The following MYH10 variants were observed in gnomAD, a reference collection of about 807,000 sequenced individuals.
MYH10 encodes myosin heavy chain 10, also known as myosin-10.
A neutral mutation model predicts 257.8 loss-of-function variants in MYH10; 55 were observed. That is an observed-to-expected ratio of 0.21 (90% CI 0.17 to 0.27). The LOEUF (loss-of-function observed/expected upper bound fraction) is 0.27, where lower values mean the gene tolerates loss of function less well. Ranked by LOEUF, MYH10 falls within the 10% of genes least tolerant of loss-of-function variation. The pLI is 1.00. For missense variants in MYH10, 1,631 were observed against 2,500.6 expected, an observed-to-expected ratio of 0.65 and a Z score of 7.42; for synonymous variants, 854 against 921.7, an observed-to-expected ratio of 0.93 and a Z score of 1.33.
intron 29 of MYH10, among the ~76,000 whole-genome samples, chr17:8,500,203 A>G (rs1365570773): frequency 6.6e-6 from 1 of 152,218 alleles, no homozygotes; most frequent in African/African-American, 2.4e-5. Flanking sequence ...GAACAGAAAG[A>G]TGGAGAAACT....
chr17:8,543,454 AT>A (rs2082353644), intron 13 of MYH10, among the ~76,000 whole-genome samples: 1 of 142,602 alleles, frequency 7.0e-6, no homozygotes, highest in African/African-American at 2.6e-5. Context: ...CTATTGCTCT[AT>A]TTAGCCTGGG....
In MYH10 at chr17:8,545,232, C is replaced by CA; in HGVS notation, c.1431+215dup. Among the ~76,000 whole-genome samples the CA allele has an allele frequency of 1.3e-5, 2 of 152,326 alleles. No homozygotes were observed. The highest frequency in any genetic ancestry group is 2.9e-5 in the Non-Finnish European group (2 of 68,036). On this transcript the variant is annotated intron_variant, in intron 13 of 42. Transcript: ENST00000360416. This position sits in a 1 kb window ranked among gnomAD's most constrained non-coding sequence, Gnocchi z 4.7. ...AGCAACCTTCCCTGAACAGCTATCTCAAGCTGGCCTCCCAGTTCTATCACA... is the reference window on the plus strand; with the variant it reads ...AGCAACCTTCCCTGAACAGCTATCTCAAAGCTGGCCTCCCAGTTCTATCACA...
chr17:8,628,497 T>G (rs902786473), intron 1 of MYH10, among the ~76,000 whole-genome samples: 4 of 152,146 alleles, frequency 2.6e-5, no homozygotes, highest in African/African-American at 9.7e-5. Context: ...ATGGATAAAT[T>G]ATCCATGACA....
intron 13 of MYH10, 82 bp from the exon 14 acceptor site, chr17:8,542,362 A>T (rs1206661109): frequency 3.9e-6 from 5 of 1,289,518 alleles, no homozygotes; most frequent in South Asian, 2.8e-5. Context: ...TTATAAAAAA[A>T]TTTTTCATTA....
chr17:8,491,920 CCCT>C (rs1490557917), intron 34 of MYH10, among the ~76,000 whole-genome samples: 5 of 152,144 alleles, frequency 3.3e-5, no homozygotes, highest in Admixed American at 6.5e-5. Context: ...AGCTGCCATT[CCCT>C]CCTCCTCCTC....
At chr17:8,541,231 G>A (rs2082280606) in intron 14 of MYH10, among the ~76,000 whole-genome samples, 1 of 152,172 alleles carries the variant, frequency 6.6e-6, no homozygotes, top group Non-Finnish European at 1.5e-5. Context: ...GTGGCAACCA[G>A]AGATTGAGCA....
intron 3 of MYH10, among the ~76,000 whole-genome samples, chr17:8,594,895 G>A (rs2084302903): frequency 6.6e-6 from 1 of 152,224 alleles, no homozygotes; most frequent in African/African-American, 2.4e-5. Context: ...TACATCTTCA[G>A]TACAGGCGCA....
rs184636557 is a variant in MYH10 at position 8,610,011 on chromosome 17, T to C, written c.346-5029A>G. Among the ~76,000 whole-genome samples, 13 of 151,984 alleles carry C rather than the reference T, an allele frequency of 8.6e-5. No individual in the cohort carries two copies. The East Asian group carries it at 2.5e-3, about 29-fold the overall frequency. ...AGGAATAATGGCACTGGACTCACCA[T>C]TTTGCAGCTCCCAGTGCCACAGTGG... On this transcript the variant is annotated intron_variant, in intron 2 of 42. Transcript: ENST00000360416.
In MYH10 at chr17:8,561,447, C is replaced by T. The variant is rs527368409; in HGVS notation, c.757-7429G>A. On this transcript the variant is annotated intron_variant, in intron 7 of 42. Coordinates refer to ENST00000360416, the MANE Select transcript of MYH10 (RefSeq NM_001256012.3). ...CCAAGCTGTGTGTGAAGCTACATTA[C>T]CGTGTGAGTTGTGCAATTCACAGCA... 4.6e-4 allele frequency: 535 copies of T among 1,156,324 alleles called. 1 individual carries two copies. In the African/African-American group the frequency reaches 6.9e-3, roughly 15 times the overall value. 71.6% of individuals were successfully genotyped at this position (1,156,324 alleles called of 1,614,324 possible).
intron 3 of MYH10, among the ~76,000 whole-genome samples, chr17:8,603,348 T>C (rs2084681648): frequency 6.6e-6 from 1 of 152,228 alleles, no homozygotes; most frequent in South Asian, 2.1e-4. Flanking sequence ...TTAATCAATA[T>C]ACTCACATTG....
chr17:8,500,781 G>A (rs1235197662), intron 29 of MYH10, 45 bp downstream of exon 29: 2 of 1,595,282 alleles, frequency 1.3e-6, no homozygotes, highest in East Asian at 2.2e-5. Context: ...TGGCTCTGAC[G>A]ACAGACTTTC....
chr17:8,540,143 C>A (rs1183760900), intron 14 of MYH10, among the ~76,000 whole-genome samples: 1 of 152,174 alleles, frequency 6.6e-6, no homozygotes, highest in African/African-American at 2.4e-5. Context: ...GCACATGCCA[C>A]CACATCCGGC....
At chr17:8,570,654 A>G (rs1456967384) in intron 6 of MYH10, among the ~76,000 whole-genome samples, 1 of 152,184 alleles carries the variant, frequency 6.6e-6, no homozygotes, top group African/African-American at 2.4e-5. Context: ...CCTATATTTT[A>G]AAATACCCAC....
chr17:8,543,897 C>T (rs1353837140), intron 13 of MYH10, among the ~76,000 whole-genome samples: 1 of 152,132 alleles, frequency 6.6e-6, no homozygotes, highest in Non-Finnish European at 1.5e-5. Flanking sequence ...AGAATTGCAC[C>T]AGTTTCACTT....
At position 8,506,454 on chromosome 17, in the gene MYH10, G is replaced by A. The variant is rs1436172615; in HGVS notation, c.3250C>T (p.Leu1084=). The change falls in exon 27 of 43, where the codon CTG becomes TTG. Residue 1084 remains leucine (L), a synonymous_variant. Coordinates refer to ENST00000360416, the MANE Select transcript of MYH10 (RefSeq NM_001256012.3). This position sits in a 1 kb window ranked among gnomAD's most constrained non-coding sequence, Gnocchi z 5.0. ...LKKEEKTRQE[L]EKAKRKLDGE... is the part of the protein sequence containing the mutation. ...TCGAGTTTTCTTTTGGCCTTTTCCA[G>A]TTCCTGACGAGTCTTTTCTTCCTTC... 1.2e-6 allele frequency: 2 copies of A among 1,612,242 alleles called. No individual in the cohort carries two copies. The highest frequency in any genetic ancestry group is 1.7e-6 in the Non-Finnish European group (2 of 1,179,450).
intron 42 of MYH10, 87 bp from the exon 43 acceptor site, chr17:8,476,035 C>G (rs1196031296): frequency 1.4e-6 from 2 of 1,446,188 alleles, no homozygotes; most frequent in Non-Finnish European, 1.9e-6. Flanking sequence ...TGCCACGGAA[C>G]CTTCCCCTTG....
intron 34 of MYH10, 33 bp downstream of exon 34, chr17:8,492,264 G>A (rs115601420): frequency 2.6e-5 from 42 of 1,598,870 alleles, no homozygotes; most frequent in South Asian, 6.6e-5. Context: ...ATACTCTCCC[G>A]TGCGGAAGTG....
chr17:8,481,140 CTCCCACCTGCGGT>C (rs1913714589), intron 38 of MYH10, among the ~76,000 whole-genome samples, 169 bp downstream of exon 38: 2 of 2,620 alleles, frequency 7.6e-4, no homozygotes, highest in African/African-American at 1.1e-3. Flanking sequence ...CACACCACGG[CTCCCACCTGCGGT>C]GTGCAGGGCT....
At chr17:8,484,075 G>C in intron 37 of MYH10, 63 bp downstream of exon 37, 24 of 1,424,976 alleles carry the variant, frequency 1.7e-5, no homozygotes, top group Non-Finnish European at 2.3e-5. Context: ...ACTTTTTTTT[G>C]ATCTTGGAGA....
Sources: allele counts gnomAD v4.1 joint callset (sites outside exome capture counted in the v4.1 genomes callset), GRCh38; gene constraint gnomAD v4.1.1; non-coding constraint Gnocchi (gnomAD v3.1); transcripts MANE v1.5; gene names NCBI Gene and HGNC (gene_info 2026-07-23, HGNC 2026-07-21).